Variants in STRADA observed in about 807,000 individuals in gnomAD.
The protein encoded by STRADA is STE20-related kinase adapter protein alpha.
Under a neutral mutation model 55.0 loss-of-function variants are expected in STRADA, and 26 were observed. The ratio of observed to expected loss-of-function variants is 0.47; its 90% confidence interval spans 0.35 to 0.66. The LOEUF (loss-of-function observed/expected upper bound fraction) is 0.66, where lower values mean the gene tolerates loss of function less well. Ranked by LOEUF, STRADA falls within the 30% of genes least tolerant of loss-of-function variation. The probability of loss-of-function intolerance (pLI) is 0.01; values close to 1 mark genes in which losing one functional copy is unlikely to be tolerated. For missense variants in STRADA, 443 were observed against 549.7 expected, an observed-to-expected ratio of 0.81 and a Z score of 1.94; for synonymous variants, 197 against 210.9, an observed-to-expected ratio of 0.93 and a Z score of 0.57.
In STRADA at chr17:63,703,560, T is replaced by C; in HGVS notation, c.*39A>G. ...TCAGGAAGGGCCTCTGGGTGGCCTC[T>C]GCATCCCTGGCTGGAGAATGCGCAC... On this transcript the variant is annotated 3_prime_UTR_variant, in exon 13 of 13. Transcript: ENST00000336174. 6.3e-7 allele frequency: 1 copy of C among 1,587,746 alleles called. No homozygotes were observed. The highest frequency in any genetic ancestry group is 8.6e-7 in the Non-Finnish European group (1 of 1,164,532).
At chr17:63,706,602 G>T in intron 10 of STRADA, 33 bp downstream of exon 10, 1 of 1,532,810 alleles carries the variant, frequency 6.5e-7, no homozygotes, top group Non-Finnish European at 9.0e-7. Context: ...AAGGCAAGCA[G>T]GCAAGAAGGA....
intron 1 of STRADA, among the ~76,000 whole-genome samples, chr17:63,731,874 G>GT (rs1015582449): frequency 1.3e-3 from 194 of 152,080 alleles, no homozygotes; most frequent in African/African-American, 4.5e-3. Context: ...TCTTTCTTTT[G>GT]TTTTTTATGA....
chr17:63,717,233 G>T (rs1458864675), intron 4 of STRADA: 1 of 152,208 alleles, frequency 6.6e-6, no homozygotes, highest in Non-Finnish European at 1.5e-5. Flanking sequence ...AAGTTGATTT[G>T]ATACTGGTTT....
In STRADA at chr17:63,704,511, C is replaced by A; in HGVS notation, c.930G>T (p.Leu310=). 1 of 1,606,832 alleles carries A rather than the reference C, an allele frequency of 6.2e-7. No individual in the cohort carries two copies. The highest frequency in any genetic ancestry group is 1.7e-5 in the Admixed American group (1 of 59,608). ...CCACTGAGCGCGAAGGGCTCATGGT[C>A]AGCTCCTCAGCGGGGATGGTGCTGG... ...LDTSTIPAEE[L]TMSPSRSVAN... is the part of the protein sequence containing the mutation. The change falls in exon 11 of 13, where the codon CTG becomes CTT. Residue 310 remains leucine (L), a synonymous_variant. Coordinates refer to ENST00000336174, the MANE Select transcript of STRADA (RefSeq NM_001003787.4).
chr17:63,704,673 G>C, intron 10 of STRADA, 91 bp from the exon 11 acceptor site: 14 of 1,513,746 alleles, frequency 9.2e-6, no homozygotes, highest in Non-Finnish European at 1.1e-5. Context: ...CAAATACACT[G>C]TTCCCAATAT....
chr17:63,710,032 C>CTTT (rs199783375), intron 8 of STRADA, among the ~76,000 whole-genome samples: 23 of 132,248 alleles, frequency 1.7e-4, no homozygotes, highest in African/African-American at 4.7e-4. Context: ...ATCCTTCTCT[C>CTTT]TTTTTTTTTT....
chr17:63,714,792 G>A (rs1017539406), intron 4 of STRADA, among the ~76,000 whole-genome samples: 5 of 152,224 alleles, frequency 3.3e-5, no homozygotes, highest in African/African-American at 1.2e-4. Flanking sequence ...CTTAGGATGT[G>A]TCACAACTCT....
rs550553827 is a variant in STRADA, at chr17:63,707,731, T to G, written c.582-313A>C. 4.0e-5 allele frequency among the ~76,000 whole-genome samples: 6 copies of G among 151,706 alleles called. No individual in the cohort carries two copies. In the South Asian group the frequency reaches 1.3e-3, roughly 32 times the overall value. ...TGCACCACCACACCCAGCTAATTTT[T>G]TTTTTTCTTTTTTTTTTGAGACGGA... is the stretch of plus-strand genomic sequence containing the variant. On this transcript the variant is annotated intron_variant, in intron 8 of 12. Coordinates refer to ENST00000336174, the MANE Select transcript of STRADA (RefSeq NM_001003787.4).
intron 1 of STRADA, among the ~76,000 whole-genome samples, chr17:63,729,854 T>G (rs1318073773): frequency 1.3e-5 from 2 of 151,494 alleles, no homozygotes; most frequent in Non-Finnish European, 2.9e-5. Flanking sequence ...TTTTTTTTTT[T>G]GAGATGGAGT....
intron 4 of STRADA, among the ~76,000 whole-genome samples, chr17:63,721,905 G>C (rs2037349809): frequency 6.6e-6 from 1 of 152,126 alleles, no homozygotes; most frequent in Non-Finnish European, 1.5e-5. Flanking sequence ...AACTCAAAGA[G>C]AGACCAAACT....
chr17:63,720,710 G>C (rs1468155710), intron 4 of STRADA, among the ~76,000 whole-genome samples: 1 of 151,158 alleles, frequency 6.6e-6, no homozygotes, highest in East Asian at 2.0e-4. Flanking sequence ...GGGAGGCAGA[G>C]CTTGCAGTGA....
intron 4 of STRADA, chr17:63,718,717 A>T (rs1164779476): frequency 6.6e-6 from 1 of 152,178 alleles, no homozygotes; most frequent in African/African-American, 2.4e-5. Context: ...GGAAACTTGC[A>T]CTAACTGTCC....
intron 10 of STRADA, chr17:63,705,236 A>C: frequency 2.4e-6 from 1 of 415,218 alleles, no homozygotes; most frequent in East Asian, 4.1e-5. Flanking sequence ...ACTTGTGGCT[A>C]TTTCGATTTA....
chr17:63,718,072 G>A (rs2037023116), intron 4 of STRADA, among the ~76,000 whole-genome samples: 1 of 152,090 alleles, frequency 6.6e-6, no homozygotes, highest in East Asian at 1.9e-4. Context: ...ACAGGCATGT[G>A]CCACCACGCC....
intron 3 of STRADA, among the ~76,000 whole-genome samples, chr17:63,725,087 C>T (rs756529612): frequency 7.2e-5 from 11 of 152,034 alleles, no homozygotes; most frequent in Admixed American, 3.9e-4. Context: ...AAAATTTAGC[C>T]GGGCATGGTG....
intron 2 of STRADA, chr17:63,727,145 C>G (rs1444622259): frequency 6.0e-6 from 1 of 167,686 alleles, no homozygotes; most frequent in Non-Finnish European, 1.3e-5. Context: ...ATTCTTTATC[C>G]ACTAGGGGTT....
At position 63,710,546 on chromosome 17, in the gene STRADA, G is replaced by C. The variant is rs1166773282; in HGVS notation, c.526C>G (p.Leu176Val). Residue 176 changes from leucine to valine, a missense_variant, in exon 8 of 13, where the codon CTG becomes GTG. Leu to Val is a conservative substitution (Grantham distance 32). Coordinates refer to ENST00000336174, the MANE Select transcript of STRADA (RefSeq NM_001003787.4). ...GMNELAIAYILQGVLKALDYI... is the reference protein window; with the variant it reads ...GMNELAIAYIVQGVLKALDYI... ...TCGAGGGCCTTCAGCACCCCCTGCA[G>C]GATGTAAGCAATCGCCAGCTCATTC... 6.2e-7 allele frequency: 1 copy of C among 1,614,022 alleles called. No homozygotes were observed. Among genetic ancestry groups the C allele is most frequent in the Non-Finnish European group, 8.5e-7 (1 of 1,179,890 alleles).
At chr17:63,705,202 G>C (rs2036003132) in intron 10 of STRADA, 1 of 516,290 alleles carries the variant, frequency 1.9e-6, no homozygotes, top group African/African-American at 1.9e-5. Context: ...CTCTAGAGCT[G>C]CACTAACGTG....
At chr17:63,723,024 G>C (rs2037414682) in intron 4 of STRADA, among the ~76,000 whole-genome samples, 1 of 152,076 alleles carries the variant, frequency 6.6e-6, no homozygotes, top group South Asian at 2.1e-4. Context: ...GGGGGAAGGG[G>C]TGGCAGTCGA....
Sources: gnomAD v4.1 joint callset for allele counts (sites outside exome capture counted in the v4.1 genomes callset) on GRCh38, gnomAD v4.1.1 for gene constraint, MANE v1.5 for transcripts, NCBI Gene and HGNC (gene_info 2026-07-23, HGNC 2026-07-21) for gene names.